CUX2: variants seen among roughly 807,000 people sequenced by gnomAD.
CUX2 encodes the protein cut like homeobox 2.
Under a neutral mutation model 144.8 loss-of-function variants are expected in CUX2, and 40 were observed. The ratio of observed to expected loss-of-function variants is 0.28; its 90% CI spans 0.21 to 0.36. CUX2 has a LOEUF of 0.36. CUX2 is among the 10% of genes least tolerant of loss of function. The probability of loss-of-function intolerance (pLI) is 1.00; values close to 1 mark genes in which losing one functional copy is unlikely to be tolerated. For missense variants in CUX2, 1,615 were observed against 1,994.0 expected (o/e 0.81, Z 3.62); for synonymous variants, 827 against 875.6 (o/e 0.94, Z 0.98).
At chr12:111,249,260 C>T (rs1883435217) in intron 3 of CUX2, among the ~76,000 whole-genome samples, 1 of 152,146 alleles carries the variant, frequency 6.6e-6, no homozygotes, top group Non-Finnish European at 1.5e-5. Flanking sequence ...TGTGACTTTG[C>T]ACACGTTTCC....
intron 1 of CUX2, among the ~76,000 whole-genome samples, chr12:111,188,711 G>A (rs1879703509): frequency 6.6e-6 from 1 of 152,128 alleles, no homozygotes; most frequent in African/African-American, 2.4e-5. Flanking sequence ...GGGAGCATTT[G>A]GTGCCCCAGC....
At chr12:111,299,484 A>AGG (rs1198666117) in intron 9 of CUX2, among the ~76,000 whole-genome samples, 70 of 152,256 alleles carry the variant, frequency 4.6e-4, no homozygotes, top group African/African-American at 1.6e-3. Context: ...GGAAGCCACC[A>AGG]GAAGGTGCAG....
intron 1 of CUX2, among the ~76,000 whole-genome samples, chr12:111,080,062 G>A (rs1253184896): frequency 6.6e-6 from 1 of 152,136 alleles, no homozygotes; most frequent in African/African-American, 2.4e-5. Flanking sequence ...CTGTAAAACG[G>A]GGATGATGAT....
At chr12:111,276,882 C>T (rs1286228617) in intron 4 of CUX2, among the ~76,000 whole-genome samples, 4 of 152,208 alleles carry the variant, frequency 2.6e-5, no homozygotes. Context: ...TCCTAGACCT[C>T]GTGATCTGCC....
At chr12:111,280,848 G>A (rs1885089657) in intron 4 of CUX2, among the ~76,000 whole-genome samples, 1 of 152,118 alleles carries the variant, frequency 6.6e-6, no homozygotes. Flanking sequence ...TTGACTTGAT[G>A]ACATCTGCAA....
intron 2 of CUX2, among the ~76,000 whole-genome samples, chr12:111,215,253 C>T (rs1881468275): frequency 2.0e-5 from 3 of 152,042 alleles, no homozygotes; most frequent in South Asian, 2.1e-4. Flanking sequence ...AGTCTGATAC[C>T]GAGATTGGTG....
Position 111,065,582 on chromosome 12 carries a change from A to G in CUX2, c.63+31342A>G, listed in dbSNP as rs139861556. On this transcript the variant is annotated intron_variant, in intron 1 of 21. Coordinates refer to ENST00000261726, the MANE Select transcript of CUX2 (RefSeq NM_015267.4). ...AACTCCTGACCTCAGGTAATCCACC[A>G]GCCTTGACCTCCCAAAGTGCTGGGA... 2.9e-3 allele frequency among the ~76,000 whole-genome samples: 445 copies of G among 152,326 alleles called. 1 individual carries two copies. The highest frequency in any genetic ancestry group is 5.4e-3 in the Non-Finnish European group (365 of 68,026).
At chr12:111,098,257 G>C (rs1242207477) in intron 1 of CUX2, among the ~76,000 whole-genome samples, 1 of 152,154 alleles carries the variant, frequency 6.6e-6, no homozygotes. Context: ...AAAATTAACC[G>C]GGTGTGGTGG....
Position 111,293,443 on chromosome 12 carries a change from C to T in CUX2, c.437-3C>T. ...GGGGTTTTCCCTCTTTTTCTCCCTG[C>T]AGAGCAGAGAGAGGGGACGTCGCCT... On this transcript the variant is annotated splice_region_variant and splice_polypyrimidine_tract_variant and intron_variant, in intron 5 of 21. Coordinates refer to ENST00000261726, the MANE Select transcript of CUX2 (RefSeq NM_015267.4). The surrounding 1 kb of genome is among the most constrained non-coding windows in gnomAD (Gnocchi z 4.5). The T allele has an allele frequency of 6.2e-7, 1 of 1,606,670 alleles. No homozygotes were observed. Among genetic ancestry groups the T allele is most frequent in the East Asian group, 2.2e-5 (1 of 44,670 alleles).
chr12:111,215,411 A>C (rs1187800264), intron 2 of CUX2, among the ~76,000 whole-genome samples: 3 of 152,196 alleles, frequency 2.0e-5, no homozygotes, highest in African/African-American at 7.2e-5. Context: ...TCCATCTCAC[A>C]CAAGTCATAA....
intron 1 of CUX2, among the ~76,000 whole-genome samples, chr12:111,113,178 C>T (rs1010872373): frequency 3.9e-5 from 6 of 152,126 alleles, no homozygotes; most frequent in East Asian, 1.9e-4. Flanking sequence ...AGAGAGGACC[C>T]GCTGGGGAGG....
intron 1 of CUX2, among the ~76,000 whole-genome samples, chr12:111,045,006 A>G (rs1044734717): frequency 6.6e-6 from 1 of 152,208 alleles, no homozygotes; most frequent in African/African-American, 2.4e-5. Context: ...GCCATAAGCG[A>G]TGATTTGGTG....
intron 1 of CUX2, among the ~76,000 whole-genome samples, chr12:111,049,791 A>T (rs915932946): frequency 7.2e-5 from 11 of 152,238 alleles, no homozygotes; most frequent in Non-Finnish European, 4.4e-5. Flanking sequence ...ATTGGAGCCC[A>T]GCAAGGTCTT....
intron 3 of CUX2, among the ~76,000 whole-genome samples, chr12:111,252,768 G>A (rs1045283423): frequency 1.0e-4 from 15 of 150,290 alleles, no homozygotes; most frequent in South Asian, 4.3e-4. Flanking sequence ...AGCCATTGAA[G>A]ATCATCTAGT....
intron 3 of CUX2, among the ~76,000 whole-genome samples, chr12:111,244,319 C>T (rs1883169630): frequency 6.6e-6 from 1 of 152,152 alleles, no homozygotes; most frequent in South Asian, 2.1e-4. Flanking sequence ...CAGGAGGGAC[C>T]TCACCCCTAG....
chr12:111,171,077 C>T lies in CUX2; in HGVS notation c.64-43123C>T, dbSNP rs560997108. 2.0e-5 allele frequency among the ~76,000 whole-genome samples: 3 copies of T among 152,202 alleles called. 1 individual carries two copies. The South Asian group carries it at 6.2e-4, about 32-fold the overall frequency. On this transcript the variant is annotated intron_variant, in intron 1 of 21. Coordinates refer to ENST00000261726, the MANE Select transcript of CUX2 (RefSeq NM_015267.4). The surrounding 1 kb of genome is among the most constrained non-coding windows in gnomAD (Gnocchi z 5.0). ...CCTCTTGGGCTGTGACCCAGAGTGG[C>T]GTTGGCATCCAAGGAGAGAATAGGT... is the stretch of plus-strand genomic sequence containing the variant.
At position 111,304,067 on chromosome 12, in the gene CUX2, C is replaced by G. The variant is rs901176137; in HGVS notation, c.754-143C>G. 1.1e-5 allele frequency: 7 copies of G among 632,248 alleles called. No individual in the cohort carries two copies. In the African/African-American group the frequency reaches 1.3e-4, roughly 11 times the overall value. 39.2% of individuals were successfully genotyped at this position (632,248 alleles called of 1,614,324 possible). ...GGCTCTGTGACTGGTCTTCATAGCTCCAGGACAGGGTCCGGGACTAGGAAG... is the reference window on the plus strand; with the variant it reads ...GGCTCTGTGACTGGTCTTCATAGCTGCAGGACAGGGTCCGGGACTAGGAAG... On this transcript the variant is annotated intron_variant, in intron 9 of 21. Transcript: ENST00000261726. The surrounding 1 kb of genome is among the most constrained non-coding windows in gnomAD (Gnocchi z 4.7).
intron 1 of CUX2, among the ~76,000 whole-genome samples, chr12:111,212,241 C>T (rs1242811802): frequency 6.6e-6 from 1 of 152,194 alleles, no homozygotes; most frequent in Non-Finnish European, 1.5e-5. Flanking sequence ...CAGAATTCCC[C>T]CTTTTTGCTC....
chr12:111,307,190 C>A lies in CUX2; in HGVS notation c.1051-9C>A. 2 of 1,614,158 alleles carry A rather than the reference C, an allele frequency of 1.2e-6. No individual in the cohort carries two copies. The highest frequency in any genetic ancestry group is 8.5e-7 in the Non-Finnish European group (1 of 1,180,010). ...AGACCAGCCTCACCATCTTTCTTTG[C>A]TCTTCTAGAAGCTGGAAGAGAAGCT... On this transcript the variant is annotated splice_polypyrimidine_tract_variant and intron_variant, in intron 11 of 21. Coordinates refer to ENST00000261726, the MANE Select transcript of CUX2 (RefSeq NM_015267.4). The surrounding 1 kb of genome is among the most constrained non-coding windows in gnomAD (Gnocchi z 4.1).
Sources: allele counts gnomAD v4.1 joint callset (sites outside exome capture counted in the v4.1 genomes callset), GRCh38; gene constraint gnomAD v4.1.1; non-coding constraint Gnocchi (gnomAD v3.1); transcripts MANE v1.5; gene names NCBI Gene and HGNC (gene_info 2026-07-23, HGNC 2026-07-21).